Variants in CLINT1 observed in about 807,000 individuals in gnomAD.
The protein encoded by CLINT1 is clathrin interactor 1.
A neutral mutation model predicts 70.4 loss-of-function variants in CLINT1; 15 were observed. The ratio of observed to expected loss-of-function variants is 0.21; its 90% CI spans 0.14 to 0.33. The LOEUF (loss-of-function observed/expected upper bound fraction) is 0.33. CLINT1 is among the 10% of genes least tolerant of loss of function. CLINT1 has a pLI of 1.00. For synonymous variants in CLINT1, 227 were observed against 254.7 expected (o/e 0.89, Z 1.04); for missense variants, 615 against 778.1 (o/e 0.79, Z 2.49).
intron 4 of CLINT1, 59 bp downstream of exon 4, chr5:157,814,126 G>C (rs1452512505): frequency 5.5e-6 from 6 of 1,091,956 alleles, no homozygotes; most frequent in Non-Finnish European, 6.9e-6. Flanking sequence ...AGCTGGTTCA[G>C]GTGACTGACA....
intron 4 of CLINT1, among the ~76,000 whole-genome samples, chr5:157,813,484 G>A (rs559488016): frequency 2.0e-5 from 3 of 152,032 alleles, no homozygotes; most frequent in Non-Finnish European, 4.4e-5. Flanking sequence ...ACTATGCAAG[G>A]TCAATTAAAG....
chr5:157,854,292 T>C (rs1008485978), intron 1 of CLINT1, among the ~76,000 whole-genome samples: 1 of 152,082 alleles, frequency 6.6e-6, no homozygotes, highest in Non-Finnish European at 1.5e-5. Context: ...GTTCAGAAAA[T>C]AGAGTACTAG....
In CLINT1 at chr5:157,802,606, C is replaced by T. The variant is rs1003578563; in HGVS notation, c.1012+1044G>A. The stretch of plus-strand genomic sequence containing the variant: ...TGTTGCCCAGGCTGGAGTGCAATGG[C>T]GCAATCTCCGTTCACTGCAACCTCC... On this transcript the variant is annotated intron_variant, in intron 8 of 11. Coordinates refer to ENST00000411809, the MANE Select transcript of CLINT1 (RefSeq NM_014666.4). 4.7e-5 allele frequency among the ~76,000 whole-genome samples: 7 copies of T among 149,826 alleles called. 1 individual carries two copies. The South Asian group carries it at 1.1e-3, about 23-fold the overall frequency.
intron 1 of CLINT1, among the ~76,000 whole-genome samples, chr5:157,854,868 G>A (rs1267938176): frequency 6.6e-6 from 1 of 152,162 alleles, no homozygotes; most frequent in African/African-American, 2.4e-5. Context: ...CTGAGGCTGG[G>A]CAAGGTGGCT....
intron 1 of CLINT1, among the ~76,000 whole-genome samples, chr5:157,822,401 C>T (rs1762904320): frequency 6.6e-6 from 1 of 152,136 alleles, no homozygotes; most frequent in Non-Finnish European, 1.5e-5. Context: ...TTTTCCCTTG[C>T]TGCTGCCATG....
chr5:157,841,446 G>A (rs1753176809), intron 1 of CLINT1, among the ~76,000 whole-genome samples: 1 of 151,882 alleles, frequency 6.6e-6, no homozygotes, highest in Admixed American at 6.6e-5. Flanking sequence ...CACACCTGTA[G>A]TCCCAGCCAC....
At chr5:157,841,623 A>G (rs1753181597) in intron 1 of CLINT1, among the ~76,000 whole-genome samples, 1 of 151,600 alleles carries the variant, frequency 6.6e-6, no homozygotes, top group Admixed American at 6.6e-5. Context: ...CTGAGCCATC[A>G]TTTTTTTTCG....
chr5:157,793,363 G>A (rs1005020991), intron 9 of CLINT1, among the ~76,000 whole-genome samples: 3 of 151,926 alleles, frequency 2.0e-5, no homozygotes, highest in African/African-American at 4.8e-5. Context: ...ATGGAAACTG[G>A]GGCAAAATGT....
chr5:157,822,464 G>A (rs1388853224), intron 1 of CLINT1, among the ~76,000 whole-genome samples: 2 of 152,118 alleles, frequency 1.3e-5, no homozygotes, highest in Admixed American at 6.6e-5. Context: ...CCAGCCATGT[G>A]GAACTGTGTC....
At chr5:157,830,084 G>A (rs568090891) in intron 1 of CLINT1, among the ~76,000 whole-genome samples, 12 of 151,964 alleles carry the variant, frequency 7.9e-5, no homozygotes, top group African/African-American at 2.9e-4. Flanking sequence ...AAGTAGCTGG[G>A]ACTACAGATG....
chr5:157,820,251 C>G (rs984038514), intron 1 of CLINT1, among the ~76,000 whole-genome samples: 21 of 152,150 alleles, frequency 1.4e-4, no homozygotes, highest in African/African-American at 5.1e-4. Context: ...AAGTTCGATA[C>G]CAGCCTGGCC....
chr5:157,832,259 A>G (rs1198146342), intron 1 of CLINT1, among the ~76,000 whole-genome samples: 4 of 152,252 alleles, frequency 2.6e-5, no homozygotes, highest in Non-Finnish European at 5.9e-5. Flanking sequence ...CTGGGATTAT[A>G]GGCTTGAGCC....
chr5:157,845,797 G>A (rs968651699), intron 1 of CLINT1, among the ~76,000 whole-genome samples: 3 of 152,122 alleles, frequency 2.0e-5, no homozygotes, highest in Admixed American at 6.5e-5. Flanking sequence ...CTCGTGATCC[G>A]CCTGCCTCCA....
chr5:157,838,197 A>C (rs1581532257), intron 1 of CLINT1, among the ~76,000 whole-genome samples: 1 of 145,690 alleles, frequency 6.9e-6, no homozygotes, highest in East Asian at 2.0e-4. Context: ...ATCTCGGCTC[A>C]CTGCAACCTC....
intron 1 of CLINT1, among the ~76,000 whole-genome samples, chr5:157,855,892 G>A (rs893692807): frequency 3.3e-5 from 5 of 151,080 alleles, no homozygotes; most frequent in Middle Eastern, 3.2e-3. Flanking sequence ...CTGAGATCTC[G>A]CCACTGCACT....
chr5:157,789,230 C>A, intron 11 of CLINT1, 133 bp downstream of exon 11: 1 of 763,858 alleles, frequency 1.3e-6, no homozygotes, highest in Non-Finnish European at 2.3e-6. Context: ...GTGAAAATAT[C>A]TTAAGTGAAC....
intron 1 of CLINT1, among the ~76,000 whole-genome samples, chr5:157,842,949 T>C (rs1753240497): frequency 6.6e-6 from 1 of 152,184 alleles, no homozygotes; most frequent in Non-Finnish European, 1.5e-5. Flanking sequence ...GATTTTGTTT[T>C]ATAAAAGTAA....
chr5:157,832,338 A>G (rs1055519628), intron 1 of CLINT1, among the ~76,000 whole-genome samples: 4 of 152,186 alleles, frequency 2.6e-5, no homozygotes, highest in South Asian at 2.1e-4. Context: ...AAATAAAGGT[A>G]AATTTGAGAA....
chr5:157,828,374 C>T (rs1763103335), intron 1 of CLINT1, among the ~76,000 whole-genome samples: 1 of 152,128 alleles, frequency 6.6e-6, no homozygotes, highest in African/African-American at 2.4e-5. Context: ...GTACTTGGAA[C>T]AATGTAAGCA....
Sources: allele counts gnomAD v4.1 joint callset (sites outside exome capture counted in the v4.1 genomes callset), GRCh38; gene constraint gnomAD v4.1.1; transcripts MANE v1.5; gene names NCBI Gene and HGNC (gene_info 2026-07-23, HGNC 2026-07-21).